ADGRL3: variants seen among roughly 807,000 people sequenced by gnomAD.
The protein encoded by ADGRL3 is calcium-independent alpha-latrotoxin receptor 3.
Under a neutral mutation model 153.5 loss-of-function variants are expected in ADGRL3, and 62 were observed. That is an observed-to-expected ratio of 0.40 (90% CI 0.33 to 0.50). The LOEUF (loss-of-function observed/expected upper bound fraction) is 0.50. Ranked by LOEUF, ADGRL3 falls within the 20% of genes least tolerant of loss-of-function variation. The pLI, the probability that ADGRL3 is intolerant of heterozygous loss-of-function variation, is 0.47. For synonymous variants in ADGRL3, 710 were observed against 672.5 expected, an observed-to-expected ratio of 1.06 and a Z score of -0.86; for missense variants, 1,641 against 1,859.4, an observed-to-expected ratio of 0.88 and a Z score of 2.16.
intron 2 of ADGRL3, among the ~76,000 whole-genome samples, chr4:61,449,325 C>T (rs775888010): frequency 6.6e-6 from 1 of 151,512 alleles, no homozygotes; most frequent in South Asian, 2.1e-4. Flanking sequence ...TTAGGAGAGA[C>T]GGGGTTTCAC....
intron 9 of ADGRL3, among the ~76,000 whole-genome samples, chr4:61,884,786 G>A (rs2098528232): frequency 6.6e-6 from 1 of 151,324 alleles, no homozygotes; most frequent in Non-Finnish European, 1.5e-5. Flanking sequence ...CACCACGCCC[G>A]GCTAATTTTT....
intron 4 of ADGRL3, among the ~76,000 whole-genome samples, chr4:61,562,559 C>T (rs1248769238): frequency 6.6e-6 from 1 of 152,058 alleles, no homozygotes; most frequent in Admixed American, 6.6e-5. Context: ...GAATGTTCAC[C>T]CGGAGTAGAT....
At chr4:62,026,144 T>C (rs1396113080) in intron 21 of ADGRL3, among the ~76,000 whole-genome samples, 2 of 152,178 alleles carry the variant, frequency 1.3e-5, no homozygotes, top group African/African-American at 4.8e-5. Flanking sequence ...TTGTTAATTA[T>C]TGCACAAATC....
intron 2 of ADGRL3, among the ~76,000 whole-genome samples, chr4:61,438,802 G>A (rs868159148): frequency 1.3e-5 from 2 of 151,366 alleles, no homozygotes; most frequent in Non-Finnish European, 1.5e-5. Flanking sequence ...CCGCCTCCCG[G>A]GTTCACACCA....
chr4:61,588,475 A>C (rs2149367970), intron 5 of ADGRL3, among the ~76,000 whole-genome samples: 1 of 152,100 alleles, frequency 6.6e-6, no homozygotes, highest in South Asian at 2.1e-4. Context: ...ACTATTACAT[A>C]AATTATAAAT....
intron 25 of ADGRL3, among the ~76,000 whole-genome samples, chr4:62,064,212 C>G (rs941368857): frequency 1.3e-5 from 2 of 152,020 alleles, no homozygotes; most frequent in Non-Finnish European, 2.9e-5. Context: ...CCAGTAAGAG[C>G]TGCCTCAGGC....
chr4:61,664,967 G>T (rs2094733357), intron 5 of ADGRL3, among the ~76,000 whole-genome samples: 1 of 152,078 alleles, frequency 6.6e-6, no homozygotes, highest in South Asian at 2.1e-4. Context: ...TGCCTCTCAG[G>T]TCCTAAGATG....
At chr4:61,345,906 G>T (rs1001689342) in intron 1 of ADGRL3, among the ~76,000 whole-genome samples, 15 of 152,090 alleles carry the variant, frequency 9.9e-5, no homozygotes, top group African/African-American at 3.1e-4. Flanking sequence ...TTCGATCCAA[G>T]AATTTATTAG....
At chr4:62,068,607 A>C (rs752280279) in intron 26 of ADGRL3, among the ~76,000 whole-genome samples, 1 of 152,298 alleles carries the variant, frequency 6.6e-6, no homozygotes, top group East Asian at 1.9e-4. Flanking sequence ...GTTTCAATGC[A>C]TCAGCCATCC....
chr4:61,532,668 C>T (rs1308133088), intron 4 of ADGRL3, among the ~76,000 whole-genome samples: 1 of 151,384 alleles, frequency 6.6e-6, no homozygotes, highest in Admixed American at 6.6e-5. Context: ...TGAAGAGGCA[C>T]TCCTGGGAGC....
chr4:61,782,458 A>G (rs915368910), intron 8 of ADGRL3, among the ~76,000 whole-genome samples: 1 of 152,202 alleles, frequency 6.6e-6, no homozygotes, highest in Non-Finnish European at 1.5e-5. Flanking sequence ...ATGAGTTTTA[A>G]TAAGTAGTGC....
intron 1 of ADGRL3, among the ~76,000 whole-genome samples, chr4:61,316,127 C>A (rs1192362382): frequency 6.6e-6 from 1 of 151,878 alleles, no homozygotes; most frequent in East Asian, 1.9e-4. Context: ...GCACAGAATA[C>A]AGGTACAGAG....
At chr4:61,658,878 A>T (rs2094514418) in intron 5 of ADGRL3, among the ~76,000 whole-genome samples, 1 of 152,156 alleles carries the variant, frequency 6.6e-6, no homozygotes, top group Admixed American at 6.5e-5. Flanking sequence ...TTGGTTTCCT[A>T]GAGCTGTTGT....
At chr4:61,478,555 G>A (rs1440818515) in intron 2 of ADGRL3, among the ~76,000 whole-genome samples, 1 of 151,958 alleles carries the variant, frequency 6.6e-6, no homozygotes, top group Non-Finnish European at 1.5e-5. Context: ...TTCTCCAGAT[G>A]GCCAATCACA....
rs73822584 is a variant in ADGRL3, at chr4:61,240,811, A to G, written c.-240+39046A>G. Among the ~76,000 whole-genome samples the G allele has an allele frequency of 1.3e-3, 195 of 152,206 alleles. 1 individual carries two copies. The highest frequency in any genetic ancestry group is 4.5e-3 in the African/African-American group (189 of 41,556). ...CTTGTTTAATGTTTCATGAGGGATG[A>G]ACCTAATTTATCTTGTTGATTACAA... On this transcript the variant is annotated intron_variant, in intron 1 of 26. Coordinates refer to ENST00000683033, the MANE Select transcript of ADGRL3 (RefSeq NM_001387552.1).
intron 23 of ADGRL3, among the ~76,000 whole-genome samples, chr4:62,032,167 T>C (rs1036767340): frequency 2.0e-5 from 3 of 151,546 alleles, no homozygotes; most frequent in African/African-American, 7.3e-5. Context: ...TATCTATATT[T>C]CTTTCCCTTA....
chr4:61,306,150 T>A (rs562237673), intron 1 of ADGRL3, among the ~76,000 whole-genome samples: 2 of 152,096 alleles, frequency 1.3e-5, no homozygotes, highest in East Asian at 3.9e-4. Flanking sequence ...CAGGCTGGAG[T>A]GCAGTGGCAT....
At chr4:61,769,090 G>T (rs1322870060) in intron 8 of ADGRL3, among the ~76,000 whole-genome samples, 1 of 151,824 alleles carries the variant, frequency 6.6e-6, no homozygotes, top group Non-Finnish European at 1.5e-5. Context: ...GGGACTTGCC[G>T]CTAAGGGTGA....
intron 8 of ADGRL3, among the ~76,000 whole-genome samples, chr4:61,785,451 A>G (rs564155721): frequency 1.5e-4 from 23 of 152,266 alleles, no homozygotes; most frequent in African/African-American, 5.5e-4. Flanking sequence ...TAAAATTTCA[A>G]AATATTGTTA....
Sources: allele counts gnomAD v4.1 joint callset (sites outside exome capture counted in the v4.1 genomes callset), GRCh38; gene constraint gnomAD v4.1.1; transcripts MANE v1.5; gene names NCBI Gene and HGNC (gene_info 2026-07-23, HGNC 2026-07-21).